The following FAIM2 variants were observed in gnomAD, a reference collection of about 807,000 sequenced individuals.
FAIM2 encodes the protein Fas apoptotic inhibitory molecule 2, also known as protein lifeguard 2.
A neutral mutation model predicts 47.4 loss-of-function variants in FAIM2; 27 were observed. The ratio of observed to expected loss-of-function variants is 0.57; its 90% confidence interval spans 0.42 to 0.78. FAIM2 has a LOEUF of 0.78. FAIM2 is among the 30% of genes least tolerant of loss of function. The pLI, the probability that FAIM2 is intolerant of heterozygous loss-of-function variation, is 0.00. For missense variants in FAIM2, 311 were observed against 389.4 expected, an observed-to-expected ratio of 0.80 and a Z score of 1.69; for synonymous variants, 156 against 159.3, an observed-to-expected ratio of 0.98 and a Z score of 0.16.
At chr12:49,872,359 T>G (rs2137077947) in intron 11 of FAIM2, among the ~76,000 whole-genome samples, 1 of 152,178 alleles carries the variant, frequency 6.6e-6, no homozygotes, top group African/African-American at 2.4e-5. Flanking sequence ...CTGACTGGTG[T>G]TGTGTGAAGA....
rs1227557090 is a variant in FAIM2, at chr12:49,868,229, G to A, written c.*2275C>T. The A allele has an allele frequency of 6.6e-6, 1 of 152,500 alleles. No homozygotes were observed. The allele number at this position is 152,500 out of a possible 1,614,324, so 9.4% of individuals were successfully genotyped here. On this transcript the variant is annotated 3_prime_UTR_variant, in exon 12 of 12. Coordinates refer to ENST00000320634, the MANE Select transcript of FAIM2 (RefSeq NM_012306.4). ...TGAGGAGAGGAAACTGAGGGGCCCG[G>A]AGGAGAGGAGGTGGAGGAGGGTGGG...
At chr12:49,882,344 T>C (rs1188249405) in intron 11 of FAIM2, among the ~76,000 whole-genome samples, 1 of 152,072 alleles carries the variant, frequency 6.6e-6, no homozygotes, top group African/African-American at 2.4e-5. Flanking sequence ...GGTCAGCATG[T>C]TTCTGAGTTC....
intron 2 of FAIM2, among the ~76,000 whole-genome samples, chr12:49,898,815 A>G (rs1946960589): frequency 6.6e-6 from 1 of 152,162 alleles, no homozygotes; most frequent in Admixed American, 6.5e-5. Flanking sequence ...GGTATGAGCC[A>G]CTGTGCCCAG....
chr12:49,881,786 A>G (rs533479449), intron 11 of FAIM2, among the ~76,000 whole-genome samples: 9 of 152,302 alleles, frequency 5.9e-5, no homozygotes, highest in Non-Finnish European at 1.2e-4. Context: ...GGGTAAGACC[A>G]AAAACCCAAG....
intron 11 of FAIM2, among the ~76,000 whole-genome samples, chr12:49,876,570 T>C (rs1434811683): frequency 9.2e-5 from 14 of 151,482 alleles, no homozygotes; most frequent in Non-Finnish European, 1.5e-5. Context: ...GAGACCATCC[T>C]GGCTAACATG....
At position 49,870,676 on chromosome 12, in the gene FAIM2, G is replaced by A. The variant is rs200318502; in HGVS notation, c.802-23C>T. On this transcript the variant is annotated intron_variant, in intron 11 of 11. Coordinates refer to ENST00000320634, the MANE Select transcript of FAIM2 (RefSeq NM_012306.4). ...GAACTGGGAGAAGTGAGGAGAGAGA[G>A]AGAGAGGTCAGAGGCCCAGGCAGTG... 113 of 1,613,260 alleles carry A rather than the reference G, an allele frequency of 7.0e-5. No homozygotes were observed. The African/African-American group carries it at 1.3e-3, about 18-fold the overall frequency.
chr12:49,878,140 ATG>A (rs1340191788), intron 11 of FAIM2, among the ~76,000 whole-genome samples: 2 of 117,712 alleles, frequency 1.7e-5, no homozygotes, highest in Non-Finnish European at 3.4e-5. Context: ...GTGAGTGTGC[ATG>A]TGAGTGTGTG....
At chr12:49,888,480 G>A (rs564048734) in intron 10 of FAIM2, among the ~76,000 whole-genome samples, 7 of 152,298 alleles carry the variant, frequency 4.6e-5, no homozygotes, top group African/African-American at 1.4e-4. Context: ...TGGGTTCCCA[G>A]GATTCAGATC....
intron 2 of FAIM2, chr12:49,900,099 G>A: frequency 2.6e-6 from 2 of 778,644 alleles, no homozygotes; most frequent in Non-Finnish European, 3.7e-6. Flanking sequence ...GAAAAGAGAG[G>A]GAAAGTGGGC....
Position 49,890,139 on chromosome 12 carries a change from A to G in FAIM2, c.541T>C (p.Tyr181His). Residue 181 changes from tyrosine to histidine, a missense_variant, in exon 8 of 12, where the codon TAC becomes CAC. By Grantham distance (83) the Tyr-to-His change is moderately conservative (BLOSUM62 2). Transcript: ENST00000320634. ...LLTVFTLSMA[Y>H]LTGMLSSYYN... ...TACCTGGACAGCATCCCAGTGAGGT[A>G]GGCCATGGACAGGGTCTGAAAGGAG... The G allele has an allele frequency of 1.9e-6, 3 of 1,614,022 alleles. No individual in the cohort carries two copies. The highest frequency in any genetic ancestry group is 1.7e-6 in the Non-Finnish European group (2 of 1,179,916).
At chr12:49,897,142 G>C in intron 4 of FAIM2, 58 bp from the exon 5 acceptor site, 2 of 1,373,284 alleles carry the variant, frequency 1.5e-6, no homozygotes, top group Non-Finnish European at 2.1e-6. Context: ...CTCCATTTCT[G>C]GTTCAGCATC....
intron 11 of FAIM2, among the ~76,000 whole-genome samples, chr12:49,882,278 T>C (rs956525785): frequency 3.9e-5 from 6 of 152,088 alleles, no homozygotes; most frequent in East Asian, 1.9e-4. Context: ...GTGCTAGTTA[T>C]GGGATAGGCT....
chr12:49,889,686 G>C, intron 8 of FAIM2, 118 bp from the exon 9 acceptor site: 1 of 781,986 alleles, frequency 1.3e-6, no homozygotes, highest in South Asian at 1.6e-5. Context: ...GCCCCAGTCT[G>C]GTGCCCTTTC....
intron 11 of FAIM2, among the ~76,000 whole-genome samples, chr12:49,880,960 G>C (rs911278388): frequency 6.6e-5 from 10 of 152,052 alleles, no homozygotes; most frequent in African/African-American, 2.4e-4. Context: ...AGCTGCCTCA[G>C]GCTGGTCCCT....
At chr12:49,900,885 G>C (rs1007327583) in intron 2 of FAIM2, among the ~76,000 whole-genome samples, 12 of 150,736 alleles carry the variant, frequency 8.0e-5, no homozygotes, top group African/African-American at 2.9e-4. Flanking sequence ...ATGGTGACTT[G>C]AAAAAAAAAT....
chr12:49,897,874 C>A, intron 3 of FAIM2, 113 bp downstream of exon 3: 1 of 813,746 alleles, frequency 1.2e-6, no homozygotes, highest in Non-Finnish European at 2.1e-6. Flanking sequence ...CAGCTGGGAT[C>A]ACAAGAGAAG....
chr12:49,878,784 G>A (rs1438948401), intron 11 of FAIM2, among the ~76,000 whole-genome samples: 2 of 68,414 alleles, frequency 2.9e-5, no homozygotes, highest in African/African-American at 8.4e-5. Flanking sequence ...ATGAGTGTAT[G>A]TGTGCCTGTG....
rs1044328675 is a variant in FAIM2, at chr12:49,890,214, C to A, written c.526-60G>T. The A allele has an allele frequency of 3.2e-6, 5 of 1,545,690 alleles. No individual in the cohort carries two copies. The Admixed American group carries it at 8.4e-5, about 26-fold the overall frequency. ...ACTCAGACGCAGGGGCCCAGGCACC[C>A]TCGAGGTCCAGCTCAGGTCTCCACC... On this transcript the variant is annotated intron_variant, in intron 7 of 11. Transcript: ENST00000320634.
intron 5 of FAIM2, among the ~76,000 whole-genome samples, chr12:49,893,677 T>C (rs1480523951): frequency 6.6e-6 from 1 of 152,216 alleles, no homozygotes; most frequent in Non-Finnish European, 1.5e-5. Flanking sequence ...AACCCTTTCC[T>C]GGTCTTCAGT....
Sources: gnomAD v4.1 joint callset for allele counts (sites outside exome capture counted in the v4.1 genomes callset) on GRCh38, gnomAD v4.1.1 for gene constraint, MANE v1.5 for transcripts, NCBI Gene and HGNC (gene_info 2026-07-23, HGNC 2026-07-21) for gene names.